Variants in GLRA1 observed in about 807,000 individuals in gnomAD.
GLRA1 encodes glycine receptor alpha 1.
A neutral mutation model predicts 48.3 loss-of-function variants in GLRA1; 37 were observed. That is an observed-to-expected ratio of 0.77 (90% CI 0.59 to 1.01). GLRA1 has a LOEUF of 1.01. Ranked by LOEUF, GLRA1 falls within the 50% of genes least tolerant of loss-of-function variation. GLRA1 has a pLI of 0.00. For synonymous variants in GLRA1, 196 were observed against 210.7 expected (o/e 0.93, Z 0.60); for missense variants, 427 against 571.0 (o/e 0.75, Z 2.57).
chr5:151,855,621 C>T (rs6884436), intron 5 of GLRA1, among the ~76,000 whole-genome samples: 7,181 of 152,326 alleles, frequency 0.047, 594 homozygotes, highest in African/African-American at 0.16. Context: ...TGCCCCAGCA[C>T]TTCAGCAACT....
chr5:151,833,870 A>C (rs1763495333), intron 7 of GLRA1, among the ~76,000 whole-genome samples: 1 of 150,706 alleles, frequency 6.6e-6, no homozygotes, highest in Non-Finnish European at 1.5e-5. Flanking sequence ...AATAAAGATC[A>C]AAAAAGACAA....
At chr5:151,891,691 C>A (rs1754073773) in intron 2 of GLRA1, among the ~76,000 whole-genome samples, 1 of 152,140 alleles carries the variant, frequency 6.6e-6, no homozygotes, top group African/African-American at 2.4e-5. Context: ...GAAATTATGA[C>A]TCTGATTTAG....
chr5:151,838,842 G>GAC (rs1763639338), intron 7 of GLRA1, among the ~76,000 whole-genome samples: 1 of 152,170 alleles, frequency 6.6e-6, no homozygotes, highest in Non-Finnish European at 1.5e-5. Flanking sequence ...TCCACACCTA[G>GAC]ACACATCCTA....
At chr5:151,863,278 TG>T (rs1232323928) in intron 3 of GLRA1, among the ~76,000 whole-genome samples, 1 of 151,924 alleles carries the variant, frequency 6.6e-6, no homozygotes, top group Non-Finnish European at 1.5e-5. Context: ...ATGGCACATG[TG>T]ATGGCCTGTA....
At chr5:151,890,924 GTGGGCCCAAACAGAGACC>G in intron 2 of GLRA1, among the ~76,000 whole-genome samples, 1 of 152,224 alleles carries the variant, frequency 6.6e-6, no homozygotes, top group South Asian at 2.1e-4. Flanking sequence ...AATGGGGAGA[GTGGGCCCAAACAGAGACC>G]TGGGTGCATC....
chr5:151,884,619 T>A (rs1753850420), intron 3 of GLRA1, among the ~76,000 whole-genome samples: 1 of 152,214 alleles, frequency 6.6e-6, no homozygotes, highest in African/African-American at 2.4e-5. Context: ...GCTGGGCTTT[T>A]AATCACCATG....
chr5:151,874,096 A>G (rs1458514347), intron 3 of GLRA1, among the ~76,000 whole-genome samples: 5 of 152,136 alleles, frequency 3.3e-5, no homozygotes, highest in African/African-American at 9.7e-5. Flanking sequence ...GCCGATCTCA[A>G]TTATGTGAAG....
At position 151,830,108 on chromosome 5, in the gene GLRA1, A is replaced by C. The variant is rs371386793; in HGVS notation, c.913-1041T>G. ...TGGTGTTTTGCCCTATTCCTGTCAT[A>C]ATCTATCCAGCTCCATAGTAGCATT... On this transcript the variant is annotated intron_variant, in intron 7 of 8. Coordinates refer to ENST00000274576, the MANE Select transcript of GLRA1 (RefSeq NM_000171.4). Among the ~76,000 whole-genome samples, 32 of 152,328 alleles carry C rather than the reference A, an allele frequency of 2.1e-4. No individual in the cohort carries two copies. In the South Asian group the frequency reaches 6.4e-3, roughly 31 times the overall value.
At chr5:151,878,966 G>A (rs371137878) in intron 3 of GLRA1, among the ~76,000 whole-genome samples, 30 of 152,282 alleles carry the variant, frequency 2.0e-4, no homozygotes, top group African/African-American at 5.1e-4. Flanking sequence ...GTGAGAAGAC[G>A]GCCACCACAC....
chr5:151,863,569 T>A (rs777516645), intron 3 of GLRA1, among the ~76,000 whole-genome samples: 1 of 152,114 alleles, frequency 6.6e-6, no homozygotes, highest in Admixed American at 6.6e-5. Flanking sequence ...CTATGTTGGA[T>A]CTCCCAAAGG....
At chr5:151,849,656 G>T in intron 7 of GLRA1, 1 of 185,412 alleles carries the variant, frequency 5.4e-6, no homozygotes, top group South Asian at 1.2e-4. Flanking sequence ...AGGTTCAAGC[G>T]ATTCTCCTGC....
chr5:151,905,175 C>T (rs1008622749), intron 1 of GLRA1, among the ~76,000 whole-genome samples: 1 of 152,042 alleles, frequency 6.6e-6, no homozygotes, highest in Non-Finnish European at 1.5e-5. Context: ...TAACATTTTC[C>T]TCTGATGATT....
intron 1 of GLRA1, among the ~76,000 whole-genome samples, chr5:151,893,198 C>G (rs1754126431): frequency 6.6e-6 from 1 of 152,074 alleles, no homozygotes; most frequent in Non-Finnish European, 1.5e-5. Context: ...CACCCCACAC[C>G]CATTCAACAA....
At chr5:151,823,997 G>T (rs1561544127) in intron 8 of GLRA1, among the ~76,000 whole-genome samples, 1 of 151,420 alleles carries the variant, frequency 6.6e-6, no homozygotes, top group Non-Finnish European at 1.5e-5. Context: ...GCATTGGGAA[G>T]TTTTATCAGC....
rs373114110 is a variant in GLRA1, at chr5:151,924,535, A to T, written c.15T>A (p.Asn5Lys). 1.5e-5 allele frequency: 24 copies of T among 1,604,450 alleles called. No homozygotes were observed. The highest frequency in any genetic ancestry group is 2.0e-5 in the Non-Finnish European group (23 of 1,171,300). The change falls in exon 1 of 9, where the codon AAT becomes AAA. Residue 5 changes from asparagine to lysine, a missense_variant. Asn to Lys is a moderately conservative substitution (Grantham distance 94). Transcript: ENST00000274576. MYSF[N>K]TLRLYLWETI... Reference sequence around the variant, plus strand: ...TCTCCCAAAGGTAGAGTCGAAGAGTATTGAAGCTGTACATTTTTCAGGTCC... The same window carrying T: ...TCTCCCAAAGGTAGAGTCGAAGAGTTTTGAAGCTGTACATTTTTCAGGTCC...
chr5:151,907,139 C>T (rs1033723652), intron 1 of GLRA1, among the ~76,000 whole-genome samples: 2 of 152,012 alleles, frequency 1.3e-5, no homozygotes, highest in Non-Finnish European at 2.9e-5. Flanking sequence ...CTTCTCTGAG[C>T]CTGTTTCTTC....
intron 2 of GLRA1, among the ~76,000 whole-genome samples, chr5:151,887,799 T>A (rs1753949730): frequency 6.6e-6 from 1 of 152,034 alleles, no homozygotes; most frequent in South Asian, 2.1e-4. Flanking sequence ...TGACATAAAA[T>A]AACCAAAGAG....
chr5:151,858,390 G>C (rs576988284), intron 4 of GLRA1, among the ~76,000 whole-genome samples: 8 of 152,310 alleles, frequency 5.3e-5, no homozygotes, highest in African/African-American at 1.9e-4. Context: ...AATGACCTTG[G>C]AAATGTCACT....
chr5:151,849,883 G>T, intron 7 of GLRA1: 1 of 1,483,266 alleles, frequency 6.7e-7, no homozygotes, highest in Non-Finnish European at 9.0e-7. Context: ...GTATTTTACA[G>T]TCTGAAGGCT....
Sources: gnomAD v4.1 joint callset for allele counts (sites outside exome capture counted in the v4.1 genomes callset) on GRCh38, gnomAD v4.1.1 for gene constraint, MANE v1.5 for transcripts, NCBI Gene and HGNC (gene_info 2026-07-23, HGNC 2026-07-21) for gene names.